The following NEGR1 variants were observed in gnomAD, a reference collection of about 807,000 sequenced individuals.
NEGR1 encodes IgLON family member 4.
A neutral mutation model predicts 40.9 loss-of-function variants in NEGR1; 10 were observed. The ratio of observed to expected loss-of-function variants is 0.24; its 90% CI spans 0.15 to 0.42. The LOEUF (loss-of-function observed/expected upper bound fraction) is 0.42, where lower values mean the gene tolerates loss of function less well. NEGR1 is among the 10% of genes least tolerant of loss of function. The pLI is 1.00. For synonymous variants in NEGR1, 185 were observed against 166.8 expected, an observed-to-expected ratio of 1.11 and a Z score of -0.84; for missense variants, 352 against 438.9, an observed-to-expected ratio of 0.80 and a Z score of 1.77.
intron 3 of NEGR1, among the ~76,000 whole-genome samples, chr1:71,742,978 T>C (rs555264856): frequency 6.6e-6 from 1 of 152,240 alleles, no homozygotes; most frequent in Admixed American, 6.5e-5. Context: ...ATTTGTGCTC[T>C]TAAAAGAAGA....
chr1:72,146,224 A>G (rs1377667464), intron 1 of NEGR1, among the ~76,000 whole-genome samples: 1 of 152,200 alleles, frequency 6.6e-6, no homozygotes, highest in Non-Finnish European at 1.5e-5. Flanking sequence ...ACAAGTGTAC[A>G]ATAACTTTTT....
At chr1:71,984,190 C>A (rs754277173) in intron 1 of NEGR1, among the ~76,000 whole-genome samples, 1 of 146,474 alleles carries the variant, frequency 6.8e-6, no homozygotes, top group Admixed American at 6.8e-5. Flanking sequence ...GCCTTATAAT[C>A]CTAACTTTTG....
chr1:71,567,719 C>G (rs763479635), intron 6 of NEGR1, among the ~76,000 whole-genome samples: 9 of 152,112 alleles, frequency 5.9e-5, no homozygotes, highest in Non-Finnish European at 2.9e-5. Flanking sequence ...TTTGTGTCCC[C>G]CCTCCGCCTC....
chr1:71,758,493 AAC>A (rs1358581636), intron 3 of NEGR1, among the ~76,000 whole-genome samples: 2 of 152,112 alleles, frequency 1.3e-5, no homozygotes, highest in Non-Finnish European at 2.9e-5. Context: ...TTAAAAGTTT[AAC>A]ACAGTTTTAT....
At chr1:71,790,227 A>G (rs931371522) in intron 2 of NEGR1, among the ~76,000 whole-genome samples, 2 of 152,142 alleles carry the variant, frequency 1.3e-5, no homozygotes, top group Admixed American at 1.3e-4. Flanking sequence ...TCATGCCACT[A>G]CAACTTGTAT....
chr1:71,668,490 C>G (rs1652313475), intron 4 of NEGR1, among the ~76,000 whole-genome samples: 1 of 152,042 alleles, frequency 6.6e-6, no homozygotes, highest in Non-Finnish European at 1.5e-5. Context: ...GATAACTATT[C>G]TTTTTTTAAT....
intron 3 of NEGR1, among the ~76,000 whole-genome samples, chr1:71,766,629 T>C (rs1370119781): frequency 1.3e-5 from 2 of 152,100 alleles, no homozygotes; most frequent in Admixed American, 1.3e-4. Flanking sequence ...CACAAATAAG[T>C]GAATATTTTT....
chr1:72,271,891 C>A (rs1344370724), intron 1 of NEGR1, among the ~76,000 whole-genome samples: 1 of 151,744 alleles, frequency 6.6e-6, no homozygotes, highest in African/African-American at 2.4e-5. Flanking sequence ...GCTTTTGCTT[C>A]TTCCTCATTT....
At chr1:72,035,232 T>A (rs1646892061) in intron 1 of NEGR1, among the ~76,000 whole-genome samples, 1 of 152,188 alleles carries the variant, frequency 6.6e-6, no homozygotes, top group South Asian at 2.1e-4. Context: ...CTACCAGCTT[T>A]CTCTGCATGC....
At chr1:71,952,255 T>G (rs2768387) in intron 1 of NEGR1, among the ~76,000 whole-genome samples, 5,554 of 152,012 alleles carry the variant, frequency 0.037, 337 homozygotes, top group African/African-American at 0.13. Context: ...AATGTAAAGC[T>G]AAAGTTTTTA....
intron 3 of NEGR1, among the ~76,000 whole-genome samples, chr1:71,731,556 A>G (rs1008941008): frequency 6.6e-6 from 1 of 152,264 alleles, no homozygotes; most frequent in African/African-American, 2.4e-5. Context: ...ATAAGTGGAA[A>G]AGGACAATTT....
intron 6 of NEGR1, among the ~76,000 whole-genome samples, chr1:71,576,063 C>A (rs1362049933): frequency 6.6e-6 from 1 of 152,072 alleles, no homozygotes; most frequent in Non-Finnish European, 1.5e-5. Context: ...GCATAGTGTC[C>A]AAGAAACAAC....
chr1:71,729,848 G>T (rs1192913226), intron 3 of NEGR1, among the ~76,000 whole-genome samples: 68 of 142,340 alleles, frequency 4.8e-4, no homozygotes, highest in African/African-American at 1.0e-3. Flanking sequence ...TTGGTTTTTG[G>T]TTTTTTTTTT....
rs533830794 is a variant in NEGR1, at chr1:72,270,434, C to G, written c.176+11885G>C. ...CTTGCCCATACCTACTGCTTCTGAA[C>G]TGCATTGCCTTCAGCATAACCTACA... On this transcript the variant is annotated intron_variant, in intron 1 of 6. Transcript: ENST00000357731. Among the ~76,000 whole-genome samples the G allele has an allele frequency of 2.6e-5, 4 of 152,018 alleles. No homozygotes were observed. In the South Asian group the frequency reaches 6.2e-4, roughly 24 times the overall value.
chr1:72,084,876 G>A (rs1310763929), intron 1 of NEGR1, among the ~76,000 whole-genome samples: 2 of 152,138 alleles, frequency 1.3e-5, no homozygotes, highest in Non-Finnish European at 2.9e-5. Flanking sequence ...AGATTACAAA[G>A]TGATAATGCA....
intron 2 of NEGR1, among the ~76,000 whole-genome samples, chr1:71,793,578 T>C (rs533702248): frequency 1.1e-4 from 16 of 152,162 alleles, no homozygotes; most frequent in Non-Finnish European, 1.9e-4. Context: ...ATTCATTTCA[T>C]GAAACTGACA....
At chr1:72,183,566 C>G (rs1255858417) in intron 1 of NEGR1, among the ~76,000 whole-genome samples, 2 of 152,072 alleles carry the variant, frequency 1.3e-5, no homozygotes, top group Non-Finnish European at 2.9e-5. Context: ...ATAACTGCTT[C>G]TTGGAAAATC....
chr1:71,574,471 G>A (rs946701375), intron 6 of NEGR1, among the ~76,000 whole-genome samples: 1 of 152,074 alleles, frequency 6.6e-6, no homozygotes. Context: ...TAGGAAAACT[G>A]AGTTCTTACC....
chr1:71,636,633 AG>A (rs1450492904), intron 4 of NEGR1, among the ~76,000 whole-genome samples: 5 of 152,152 alleles, frequency 3.3e-5, no homozygotes, highest in African/African-American at 1.2e-4. Context: ...ATTATCAAAT[AG>A]TATGCTGCAG....
Sources: gnomAD v4.1 joint callset for allele counts (sites outside exome capture counted in the v4.1 genomes callset) on GRCh38, gnomAD v4.1.1 for gene constraint, MANE v1.5 for transcripts, NCBI Gene and HGNC (gene_info 2026-07-23, HGNC 2026-07-21) for gene names.